The following SURF4 variants were observed in gnomAD, a reference collection of about 807,000 sequenced individuals.
SURF4 encodes surfeit 4, also known as surfeit locus protein 4.
A neutral mutation model predicts 30.0 loss-of-function variants in SURF4; 3 were observed. The ratio of observed to expected loss-of-function variants is 0.10; its 90% CI spans 0.05 to 0.26. The LOEUF is 0.26. Among genes scored for constraint, SURF4 ranks in the 10% least tolerant of loss-of-function variants. SURF4 has a pLI of 1.00. For missense variants in SURF4, 217 were observed against 350.8 expected, an observed-to-expected ratio of 0.62 and a Z score of 3.05; for synonymous variants, 143 against 139.9, an observed-to-expected ratio of 1.02 and a Z score of -0.16.
intron 1 of SURF4, among the ~76,000 whole-genome samples, chr9:133,373,932 AAAAG>A (rs1837682655): frequency 6.7e-6 from 1 of 149,764 alleles, no homozygotes; most frequent in South Asian, 2.1e-4. Context: ...AAAAAAAAAA[AAAAG>A]AAGAAGAAAA....
intron 5 of SURF4, among the ~76,000 whole-genome samples, chr9:133,364,377 G>C (rs1160682909): frequency 6.6e-6 from 1 of 152,164 alleles, no homozygotes; most frequent in African/African-American, 2.4e-5. Flanking sequence ...ACGATGTTTT[G>C]GTCTGTTTTA....
chr9:133,374,092 G>C (rs1025125430), intron 1 of SURF4, among the ~76,000 whole-genome samples: 1 of 152,076 alleles, frequency 6.6e-6, no homozygotes, highest in Non-Finnish European at 1.5e-5. Context: ...CAAAGAGCGA[G>C]TGTATGTAGC....
chr9:133,375,655 C>A (rs904448493), intron 1 of SURF4, among the ~76,000 whole-genome samples: 3 of 152,144 alleles, frequency 2.0e-5, no homozygotes, highest in Admixed American at 6.5e-5. Flanking sequence ...GCGCCCCGGG[C>A]TGGCTGGAGG....
chr9:133,375,214 G>A, intron 1 of SURF4: 4 of 985,424 alleles, frequency 4.1e-6, no homozygotes, highest in Non-Finnish European at 4.8e-6. Flanking sequence ...TGTTTCAAAG[G>A]CTTCCCTGTT....
rs2119112109 is a variant in SURF4, at chr9:133,362,791, G to A, written c.*702C>T. The A allele has an allele frequency of 6.4e-6, 1 of 155,866 alleles. No homozygotes were observed. The highest frequency in any genetic ancestry group is 1.9e-4 in the East Asian group (1 of 5,242). 9.7% of individuals were successfully genotyped at this position (155,866 alleles called of 1,614,324 possible). A position where few individuals can be genotyped will look rare whatever the true frequency, so the allele number is the denominator to read the frequency against. ...CCAGCAGCTTCCCCAAGGACTTCTT[G>A]CCCCTCCACCTTGCCTCAAGCTACT... On this transcript the variant is annotated 3_prime_UTR_variant, in exon 6 of 6. Coordinates refer to ENST00000371989, the MANE Select transcript of SURF4 (RefSeq NM_033161.4).
Position 133,362,359 on chromosome 9 carries a change from C to T in SURF4, c.*1134G>A, listed in dbSNP as rs1199385180. On this transcript the variant is annotated 3_prime_UTR_variant, in exon 6 of 6. Transcript: ENST00000371989. ...AGGCAGTGTTAGAAAACTTTAAATA[C>T]AGGATTAAGATCAAATCGGTAAGGC... 1 of 152,642 alleles carries T rather than the reference C, an allele frequency of 6.6e-6. No individual in the cohort carries two copies. The highest frequency in any genetic ancestry group is 1.5e-5 in the Non-Finnish European group (1 of 68,036). 9.5% of individuals were successfully genotyped at this position (152,642 alleles called of 1,614,324 possible).
rs1219932515 is a variant in SURF4, at chr9:133,374,427, G to A, written c.48+1495C>T. ...AAATACAAAATTGGCTGGGTGTGAC[G>A]GTGCATGCCTGTAATCCCAGCTACT... is the stretch of plus-strand genomic sequence containing the variant. On this transcript the variant is annotated intron_variant, in intron 1 of 5. Coordinates refer to ENST00000371989, the MANE Select transcript of SURF4 (RefSeq NM_033161.4). Among the ~76,000 whole-genome samples the A allele has an allele frequency of 2.6e-5, 4 of 152,036 alleles. No individual in the cohort carries two copies. The South Asian group carries it at 6.2e-4, about 24-fold the overall frequency.
At chr9:133,372,525 G>A (rs1034896908) in intron 1 of SURF4, 21 of 914,556 alleles carry the variant, frequency 2.3e-5, no homozygotes, top group Non-Finnish European at 2.7e-5. Flanking sequence ...CCGGCCCAGT[G>A]AAAGACTTAA....
chr9:133,368,472 G>A (rs1024257521), intron 1 of SURF4, among the ~76,000 whole-genome samples: 8 of 152,250 alleles, frequency 5.3e-5, no homozygotes, highest in Admixed American at 6.5e-5. Flanking sequence ...TGCAGCAACC[G>A]TCAGCGCAGC....
At chr9:133,373,448 C>T (rs1430169581) in intron 1 of SURF4, among the ~76,000 whole-genome samples, 1 of 152,008 alleles carries the variant, frequency 6.6e-6, no homozygotes, top group Non-Finnish European at 1.5e-5. Flanking sequence ...ACTAAAAACA[C>T]AAAAATTAGC....
upstream of SURF4, chr9:133,376,313 T>G: frequency 4.5e-6 from 6 of 1,345,636 alleles, no homozygotes; most frequent in Non-Finnish European, 2.9e-6. Context: ...ACGCGTCCCT[T>G]TTAAGGGGGC....
upstream of SURF4, among the ~76,000 whole-genome samples, chr9:133,377,901 A>G (rs1210143452): frequency 6.6e-6 from 1 of 152,186 alleles, no homozygotes; most frequent in Non-Finnish European, 1.5e-5. Flanking sequence ...CAACTAGACC[A>G]TCCTCTCGGG....
At chr9:133,364,236 T>G (rs1309506562) in intron 5 of SURF4, among the ~76,000 whole-genome samples, 1 of 151,542 alleles carries the variant, frequency 6.6e-6, no homozygotes, top group Non-Finnish European at 1.5e-5. Context: ...ATACGAACAG[T>G]GAGGAAAGAA....
chr9:133,364,815 G>C, intron 5 of SURF4, 25 bp downstream of exon 5: 1 of 1,613,030 alleles, frequency 6.2e-7, no homozygotes, highest in Non-Finnish European at 8.5e-7. Flanking sequence ...AAACCAGACC[G>C]GTTCAGGCAA....
chr9:133,376,251 G>GGA, upstream of SURF4: 2 of 1,302,898 alleles, frequency 1.5e-6, no homozygotes, highest in Non-Finnish European at 9.7e-7. Flanking sequence ...CTCTCACGCT[G>GGA]GAGGCCCCGC....
In SURF4 at chr9:133,374,725, G is replaced by A. The variant is rs935621736; in HGVS notation, c.48+1197C>T. ...GTGTTGCAATGAGAACCGATGGTGA[G>A]GTCACACTAGAAAGAGATCACCCCC... On this transcript the variant is annotated intron_variant, in intron 1 of 5. Coordinates refer to ENST00000371989, the MANE Select transcript of SURF4 (RefSeq NM_033161.4). 9.2e-5 allele frequency among the ~76,000 whole-genome samples: 14 copies of A among 152,196 alleles called. No individual in the cohort carries two copies. In the South Asian group the frequency reaches 2.9e-3, roughly 32 times the overall value.
At chr9:133,372,853 CCT>C (rs1837583720) in intron 1 of SURF4, among the ~76,000 whole-genome samples, 1 of 152,168 alleles carries the variant, frequency 6.6e-6, no homozygotes, top group South Asian at 2.1e-4. Context: ...GACTTCGAAC[CCT>C]GTTTACTTGC....
At chr9:133,369,966 G>A (rs994352868) in intron 1 of SURF4, among the ~76,000 whole-genome samples, 2 of 152,222 alleles carry the variant, frequency 1.3e-5, no homozygotes, top group Admixed American at 1.3e-4. Context: ...GACCCCAACA[G>A]CAGCAGAGAG....
At chr9:133,364,783 GGGGA>G in intron 5 of SURF4, 53 bp downstream of exon 5, 2 of 1,576,942 alleles carry the variant, frequency 1.3e-6, no homozygotes, top group Admixed American at 3.4e-5. Flanking sequence ...GGAGGGGGTG[GGGGA>G]GGGACAGCAT....
Sources: gnomAD v4.1 joint callset for allele counts (sites outside exome capture counted in the v4.1 genomes callset) on GRCh38, gnomAD v4.1.1 for gene constraint, MANE v1.5 for transcripts, NCBI Gene and HGNC (gene_info 2026-07-23, HGNC 2026-07-21) for gene names.